Variants in MEGF8 observed in about 807,000 individuals in gnomAD.
MEGF8 encodes the protein multiple EGF like domains 8, also known as multiple epidermal growth factor-like domains protein 8.
In MEGF8, 156 loss-of-function variants were observed where a neutral mutation model predicts 302.9. That is an observed-to-expected ratio of 0.52 (90% CI 0.45 to 0.59). The LOEUF (loss-of-function observed/expected upper bound fraction) is 0.59, where lower values mean the gene tolerates loss of function less well. MEGF8 is among the 20% of genes least tolerant of loss of function. The pLI, the probability that MEGF8 is intolerant of heterozygous loss-of-function variation, is 0.00. For missense variants in MEGF8, 3,345 were observed against 3,964.5 expected (o/e 0.84, Z 4.20); for synonymous variants, 1,621 against 1,660.5 (o/e 0.98, Z 0.58).
Position 42,353,685 on chromosome 19 carries a change from C to A in MEGF8, c.3761+10C>A, listed in dbSNP as rs754713142. Reference sequence around the variant, plus strand: ...ATTATGGGGATCCCCGGTGAGCCAACGGGCCAGCCAGGGCTGGGTAGGGTG... The same window carrying A: ...ATTATGGGGATCCCCGGTGAGCCAAAGGGCCAGCCAGGGCTGGGTAGGGTG... On this transcript the variant is annotated intron_variant, in intron 21 of 41. Transcript: ENST00000251268. This position sits in a 1 kb window ranked among gnomAD's most constrained non-coding sequence, Gnocchi z 6.1. 5.7e-6 allele frequency: 9 copies of A among 1,576,590 alleles called. No homozygotes were observed. Among genetic ancestry groups the A allele is most frequent in the Non-Finnish European group, 7.8e-6 (9 of 1,156,498 alleles).
chr19:42,349,822 C>A, intron 14 of MEGF8, 123 bp downstream of exon 14: 2 of 1,042,074 alleles, frequency 1.9e-6, no homozygotes, highest in East Asian at 2.5e-5. Flanking sequence ...CTCCTTAACT[C>A]TTGGCCTCTG....
rs550144591 is a variant in MEGF8, at chr19:42,332,164, C to T, written c.188-1441C>T. ...TGAGCCACCCACCCCACTCTGTTGTCACCATTTCGTGTGCATTATTGCTCC... is the reference window on the plus strand; with the variant it reads ...TGAGCCACCCACCCCACTCTGTTGTTACCATTTCGTGTGCATTATTGCTCC... On this transcript the variant is annotated intron_variant, in intron 1 of 41. Coordinates refer to ENST00000251268, the MANE Select transcript of MEGF8 (RefSeq NM_001271938.2). 3.2e-3 allele frequency among the ~76,000 whole-genome samples: 484 copies of T among 152,120 alleles called. 2 individuals are homozygous for T. Among genetic ancestry groups the T allele is most frequent in the African/African-American group, 0.011 (474 of 41,526 alleles).
intron 35 of MEGF8, among the ~76,000 whole-genome samples, chr19:42,365,267 G>A (rs113385322): frequency 2.0e-5 from 3 of 152,066 alleles, no homozygotes; most frequent in East Asian, 1.9e-4. Context: ...CCAGCCTCTC[G>A]GTGCTTGCCA....
At position 42,334,016 on chromosome 19, in the gene MEGF8, C is replaced by T. The variant is rs1369969812; in HGVS notation, c.361C>T (p.His121Tyr). ...IEASSGKMLLHLFSDANYNLL... is the reference protein window; with the variant it reads ...IEASSGKMLLYLFSDANYNLL... ...CACCTTGTGCCCGCAGATGCTGCTG[C>T]ACCTCTTCAGTGATGCCAACTACAA... The change falls in exon 3 of 42, where the codon CAC (histidine) becomes TAC (tyrosine). Residue 121 changes from histidine to tyrosine, a missense_variant. His to Tyr is a moderately conservative substitution (Grantham distance 83). Coordinates refer to ENST00000251268, the MANE Select transcript of MEGF8 (RefSeq NM_001271938.2). 1 of 1,613,486 alleles carries T rather than the reference C, an allele frequency of 6.2e-7. No individual in the cohort carries two copies. The highest frequency in any genetic ancestry group is 1.1e-5 in the South Asian group (1 of 90,980).
intron 13 of MEGF8, among the ~76,000 whole-genome samples, chr19:42,348,800 C>T (rs756323328): frequency 1.1e-4 from 17 of 152,226 alleles, no homozygotes; most frequent in Non-Finnish European, 1.8e-4. Flanking sequence ...TGGGTTTTCA[C>T]CATGTTGGCC....
rs1196952515 is a variant in MEGF8, at chr19:42,336,191, C to T, written c.1089C>T (p.Leu363=). The change falls in exon 6 of 42, where the codon CTC becomes CTT. Residue 363 remains leucine, a synonymous_variant. Coordinates refer to ENST00000251268, the MANE Select transcript of MEGF8 (RefSeq NM_001271938.2). This position sits in a 1 kb window ranked among gnomAD's most constrained non-coding sequence, Gnocchi z 4.8. ...RTPHDLFSSG[L]FRFRLDSTSG... is the part of the protein sequence containing the mutation. The stretch of plus-strand genomic sequence containing the variant: ...CGCACGACCTCTTCTCCTCTGGCCT[C>T]TTCCGTTTCCGCCTTGACAGCACCA... 1 of 1,610,716 alleles carries T rather than the reference C, an allele frequency of 6.2e-7. No homozygotes were observed. The highest frequency in any genetic ancestry group is 1.7e-5 in the Admixed American group (1 of 60,026).
In MEGF8 at chr19:42,352,236, C is replaced by T; in HGVS notation, c.3130C>T (p.Leu1044Phe). The T allele has an allele frequency of 6.4e-7, 1 of 1,554,216 alleles. No individual in the cohort carries two copies. Among genetic ancestry groups the T allele is most frequent in the South Asian group, 1.2e-5 (1 of 84,654 alleles). The change falls in exon 19 of 42, where the codon CTC becomes TTC. Residue 1044 changes from leucine (L) to phenylalanine (F), a missense_variant. Transcript: ENST00000251268. The surrounding 1 kb of genome is among the most constrained non-coding windows in gnomAD (Gnocchi z 4.4). ...CCTACAGGGGGACTTCTCAGGGCCCCTCGGTGGGGGTAACTGCTCCCTGTG... is the reference window on the plus strand; with the variant it reads ...CCTACAGGGGGACTTCTCAGGGCCCTTCGGTGGGGGTAACTGCTCCCTGTG... The part of the protein sequence containing the change: ...RCLQGDFSGP[L>F]GGGNCSLWVG...
chr19:42,370,997 G>T (rs2039683976), intron 40 of MEGF8, among the ~76,000 whole-genome samples, 166 bp downstream of exon 40: 1 of 151,368 alleles, frequency 6.6e-6, no homozygotes, highest in South Asian at 2.1e-4. Context: ...TCAGGGTAGG[G>T]AAGGAGCTGG....
chr19:42,357,316 G>A lies in MEGF8; in HGVS notation c.4831-88G>A, dbSNP rs2039466486. 6.8e-7 allele frequency: 1 copy of A among 1,474,306 alleles called. No homozygotes were observed. Among genetic ancestry groups the A allele is most frequent in the Middle Eastern group, 2.4e-4 (1 of 4,178 alleles). The allele number at this position is 1,474,306 out of a possible 1,614,324, so 91.3% of individuals were successfully genotyped here. On this transcript the variant is annotated intron_variant, in intron 27 of 41. Transcript: ENST00000251268. This position sits in a 1 kb window ranked among gnomAD's most constrained non-coding sequence, Gnocchi z 5.2. The stretch of plus-strand genomic sequence containing the variant: ...CATTCCCTCCTTAGTACTTCAGGGA[G>A]GACTGTGGGGGGCTGAGGCTCGCTT...
intron 8 of MEGF8, among the ~76,000 whole-genome samples, chr19:42,339,864 C>G (rs532240485): frequency 1.3e-5 from 2 of 152,300 alleles, no homozygotes; most frequent in African/African-American, 4.8e-5. Context: ...TGAGACCATC[C>G]TGGTTAACAT....
rs1238765805 is a variant in MEGF8 at position 42,353,754 on chromosome 19, G to A, written c.3762-21G>A. On this transcript the variant is annotated intron_variant, in intron 21 of 41. Coordinates refer to ENST00000251268, the MANE Select transcript of MEGF8 (RefSeq NM_001271938.2). This position sits in a 1 kb window ranked among gnomAD's most constrained non-coding sequence, Gnocchi z 6.1. The stretch of plus-strand genomic sequence containing the variant: ...GGAGGGTCAGGACTGGTCTGACACT[G>A]GCTCTTCTCCATCTCCCCAGGGCCG... 1 of 1,583,508 alleles carries A rather than the reference G, an allele frequency of 6.3e-7. No individual in the cohort carries two copies. The highest frequency in any genetic ancestry group is 8.6e-7 in the Non-Finnish European group (1 of 1,160,726).
intron 1 of MEGF8, among the ~76,000 whole-genome samples, chr19:42,332,095 G>A (rs2039063021): frequency 6.6e-6 from 1 of 152,080 alleles, no homozygotes; most frequent in African/African-American, 2.4e-5. Flanking sequence ...GACCTCAGGT[G>A]ATCCACCTGC....
At chr19:42,370,096 C>A in intron 38 of MEGF8, 93 bp from the exon 39 acceptor site, 2 of 1,389,796 alleles carry the variant, frequency 1.4e-6, no homozygotes, top group South Asian at 1.3e-5. Context: ...GCTGCCCTCC[C>A]GTGGGCTCTC....
At chr19:42,359,853 A>ATTT (rs891961465) in intron 31 of MEGF8, among the ~76,000 whole-genome samples, 185 of 125,326 alleles carry the variant, frequency 1.5e-3, no homozygotes, top group Non-Finnish European at 1.9e-3. Context: ...CGCCTGGATA[A>ATTT]TTTTTTTTTT....
At chr19:42,335,528 T>G in intron 5 of MEGF8, 143 bp downstream of exon 5, 1 of 713,006 alleles carries the variant, frequency 1.4e-6, no homozygotes, top group East Asian at 2.7e-5. Flanking sequence ...GTTTCTGCCT[T>G]TTCTCTCCGG....
intron 1 of MEGF8, among the ~76,000 whole-genome samples, chr19:42,333,256 A>G (rs1003066091): frequency 6.6e-6 from 1 of 152,228 alleles, no homozygotes; most frequent in Non-Finnish European, 1.5e-5. Flanking sequence ...AGAGAGAGGC[A>G]TCAGGAACAC....
chr19:42,336,878 G>A lies in MEGF8; in HGVS notation c.1316G>A (p.Arg439Gln), dbSNP rs922693299. ...CATGTGTGGACGACGCTGAAGGGGC[G>A]GGATGGGCTTCAGGGCCCAAGGGAG... ...DRHVWTTLKG[R>Q]DGLQGPRERA... Residue 439 changes from arginine to glutamine, a missense_variant, in exon 7 of 42, where the codon CGG becomes CAG. By Grantham distance (43) the Arg-to-Gln change is conservative. Coordinates refer to ENST00000251268, the MANE Select transcript of MEGF8 (RefSeq NM_001271938.2). The surrounding 1 kb of genome is among the most constrained non-coding windows in gnomAD (Gnocchi z 4.8). 10 of 1,613,252 alleles carry A rather than the reference G, an allele frequency of 6.2e-6. No homozygotes were observed. Among genetic ancestry groups the A allele is most frequent in the Admixed American group, 3.3e-5 (2 of 59,772 alleles).
rs551687173 is a variant in MEGF8, at chr19:42,352,453, G to C, written c.3347G>C (p.Arg1116Pro). Residue 1116 changes from arginine (R) to proline (P), a missense_variant, in exon 19 of 42, where the codon CGC becomes CCC. Transcript: ENST00000251268. The surrounding 1 kb of genome is among the most constrained non-coding windows in gnomAD (Gnocchi z 4.4). Reference sequence around the variant, plus strand: ...GGTGATGGCATCTCACACTGCAACCGCACGTGAGTGAGGCGGGGGTTGCTA... The same window carrying C: ...GGTGATGGCATCTCACACTGCAACCCCACGTGAGTGAGGCGGGGGTTGCTA... ...YQGDGISHCN[R>P]TCLEDCGHGV... The C allele has an allele frequency of 1.8e-5, 29 of 1,589,288 alleles. No homozygotes were observed. Among genetic ancestry groups the C allele is most frequent in the Non-Finnish European group, 2.4e-5 (28 of 1,165,610 alleles).
In MEGF8 at chr19:42,362,410, T is replaced by C; in HGVS notation, c.5871T>C (p.Cys1957=). 1 of 1,613,926 alleles carries C rather than the reference T, an allele frequency of 6.2e-7. No individual in the cohort carries two copies. Among genetic ancestry groups the C allele is most frequent in the African/African-American group, 1.3e-5 (1 of 75,034 alleles). The stretch of plus-strand genomic sequence containing the variant: ...CGTCCACCCCCCGCTGTAAGTGGTG[T>C]ACCAACTGCCCCGAAGGTGCTTGCA... The part of the protein sequence containing the change: ...GEASTPRCKW[C]TNCPEGACIG... Residue 1957 remains cysteine (C), a synonymous_variant, in exon 34 of 42, where the codon TGT becomes TGC. Coordinates refer to ENST00000251268, the MANE Select transcript of MEGF8 (RefSeq NM_001271938.2).
Sources: allele counts gnomAD v4.1 joint callset (sites outside exome capture counted in the v4.1 genomes callset), GRCh38; gene constraint gnomAD v4.1.1; non-coding constraint Gnocchi (gnomAD v3.1); transcripts MANE v1.5; gene names NCBI Gene and HGNC (gene_info 2026-07-23, HGNC 2026-07-21).